PRDM5: variants seen among roughly 807,000 people sequenced by gnomAD.
PRDM5 encodes the protein PR/SET domain 5, also known as PR domain zinc finger protein 5.
Under a neutral mutation model 81.2 loss-of-function variants are expected in PRDM5, and 56 were observed. The ratio of observed to expected loss-of-function variants is 0.69; its 90% CI spans 0.56 to 0.86. PRDM5 has a LOEUF of 0.86. PRDM5 is among the 40% of genes least tolerant of loss of function. PRDM5 has a pLI of 0.00. For synonymous variants in PRDM5, 267 were observed against 256.4 expected (o/e 1.04, Z -0.39); for missense variants, 697 against 770.1 (o/e 0.91, Z 1.12).
chr4:120,763,407 C>T (rs1578640545), intron 13 of PRDM5, among the ~76,000 whole-genome samples: 1 of 152,164 alleles, frequency 6.6e-6, no homozygotes. Flanking sequence ...ATAAATTACC[C>T]TCATTACATG....
chr4:120,900,244 AG>A (rs1201652835), intron 2 of PRDM5, among the ~76,000 whole-genome samples: 1 of 152,134 alleles, frequency 6.6e-6, no homozygotes, highest in African/African-American at 2.4e-5. Context: ...AGGGGGACAC[AG>A]GGGGCTGAAA....
intron 8 of PRDM5, among the ~76,000 whole-genome samples, chr4:120,806,351 G>T (rs563128465): frequency 2.5e-4 from 38 of 152,138 alleles, no homozygotes; most frequent in African/African-American, 7.9e-4. Flanking sequence ...AAAACTACGT[G>T]AAAGTTCCTA....
chr4:120,742,767 T>G (rs1742266046), intron 14 of PRDM5, among the ~76,000 whole-genome samples: 2 of 151,792 alleles, frequency 1.3e-5, no homozygotes, highest in South Asian at 4.2e-4. Flanking sequence ...CTCCAAGAAA[T>G]ATGGGACTAT....
At chr4:120,786,641 G>T (rs12508015) in intron 10 of PRDM5, among the ~76,000 whole-genome samples, 30,298 of 152,114 alleles carry the variant, frequency 0.2, 3,676 homozygotes, top group Non-Finnish European at 0.28. Flanking sequence ...AAATGTACTA[G>T]AAGAAAATCC....
At chr4:120,691,868 G>A (rs926349602), downstream of PRDM5, 1 of 151,888 alleles carries the variant, frequency 6.6e-6, no homozygotes, top group Non-Finnish European at 1.5e-5. Context: ...TTTTACCATA[G>A]AATGGTACCA....
At chr4:120,763,440 C>A (rs764883725) in intron 13 of PRDM5, among the ~76,000 whole-genome samples, 1 of 152,090 alleles carries the variant, frequency 6.6e-6, no homozygotes, top group Non-Finnish European at 1.5e-5. Flanking sequence ...GGGAGCAAGA[C>A]GACAGACAAT....
At chr4:120,869,821 AAC>A (rs1761588244) in intron 2 of PRDM5, among the ~76,000 whole-genome samples, 1 of 152,202 alleles carries the variant, frequency 6.6e-6, no homozygotes, top group Admixed American at 6.5e-5. Context: ...ACCTCATGTC[AAC>A]ACACAGAGGT....
chr4:120,917,894 C>T (rs1244799835), intron 1 of PRDM5, among the ~76,000 whole-genome samples: 1 of 152,104 alleles, frequency 6.6e-6, no homozygotes, highest in Admixed American at 6.5e-5. Flanking sequence ...ATGGAATGAC[C>T]TGAGTTCAAA....
intron 3 of PRDM5, among the ~76,000 whole-genome samples, chr4:120,831,812 T>C (rs902382730): frequency 2.6e-5 from 4 of 152,120 alleles, no homozygotes; most frequent in Admixed American, 6.5e-5. Context: ...TAAATAAATA[T>C]AGATTTATAA....
rs76870121 is a variant in PRDM5 at position 120,793,250 on chromosome 4, G to A, written c.1188+5017C>T. ...ATCCTATTGTGAACTGCACACACAAGGGATCTAGGTTGCATGCTCCTTATG... is the reference window on the plus strand; with the variant it reads ...ATCCTATTGTGAACTGCACACACAAAGGATCTAGGTTGCATGCTCCTTATG... On this transcript the variant is annotated intron_variant, in intron 10 of 15. Transcript: ENST00000264808. 8.6e-3 allele frequency among the ~76,000 whole-genome samples: 1,302 copies of A among 152,180 alleles called. 21 individuals carry two copies. Among genetic ancestry groups the A allele is most frequent in the African/African-American group, 0.03 (1,234 of 41,504 alleles).
In PRDM5 at chr4:120,793,476, T is replaced by A. The variant is rs28813423; in HGVS notation, c.1188+4791A>T. On this transcript the variant is annotated intron_variant, in intron 10 of 15. Coordinates refer to ENST00000264808, the MANE Select transcript of PRDM5 (RefSeq NM_018699.4). ...ATGCACTTGAATCATCCCAAAACCA[T>A]CCCCTGCCCAACACTGGTCCATGGA... is the stretch of plus-strand genomic sequence containing the variant. 8.6e-3 allele frequency among the ~76,000 whole-genome samples: 1,301 copies of A among 152,154 alleles called. 23 individuals carry two copies. The highest frequency in any genetic ancestry group is 0.03 in the African/African-American group (1,245 of 41,506).
intron 3 of PRDM5, among the ~76,000 whole-genome samples, chr4:120,836,306 A>G (rs11734461): frequency 0.2 from 30,323 of 152,172 alleles, 3,683 homozygotes; most frequent in Non-Finnish European, 0.28. Context: ...GTTTATTATC[A>G]TCTTTCCTAA....
intron 14 of PRDM5, among the ~76,000 whole-genome samples, chr4:120,734,443 CACA>C (rs1266605180): frequency 2.6e-5 from 4 of 151,980 alleles, no homozygotes; most frequent in African/African-American, 9.7e-5. Flanking sequence ...CACACACACA[CACA>C]CCCTTACTCA....
chr4:120,804,058 C>G (rs1444787189), intron 8 of PRDM5, among the ~76,000 whole-genome samples: 2 of 152,142 alleles, frequency 1.3e-5, no homozygotes, highest in Non-Finnish European at 1.5e-5. Flanking sequence ...ATCCTAGTCT[C>G]TGATAAAACA....
At chr4:120,918,523 T>C (rs748374521) in intron 1 of PRDM5, among the ~76,000 whole-genome samples, 1 of 152,216 alleles carries the variant, frequency 6.6e-6, no homozygotes, top group Non-Finnish European at 1.5e-5. Flanking sequence ...TATTTACTTA[T>C]CTGTTTCAGC....
chr4:120,897,950 C>T (rs1253440825), intron 2 of PRDM5, among the ~76,000 whole-genome samples: 1 of 152,108 alleles, frequency 6.6e-6, no homozygotes, highest in African/African-American at 2.4e-5. Context: ...TTTCTATTGT[C>T]CAGCTTTTAT....
chr4:120,915,275 C>A (rs1050684565), intron 1 of PRDM5, among the ~76,000 whole-genome samples: 1 of 152,226 alleles, frequency 6.6e-6, no homozygotes, highest in South Asian at 2.1e-4. Context: ...TACCTGTGGC[C>A]AGTGCCCTAC....
In PRDM5 at chr4:120,879,600, A is replaced by G. The variant is rs971907587; in HGVS notation, c.178-26060T>C. ...TTCTTAGTGAAATTTCATTTTGTCT[A>G]TCTTACTTTATTGTAAGAATACTGT... On this transcript the variant is annotated intron_variant, in intron 2 of 15. Transcript: ENST00000264808. Among the ~76,000 whole-genome samples the G allele has an allele frequency of 3.9e-5, 6 of 152,202 alleles. No individual in the cohort carries two copies. The South Asian group carries it at 1.0e-3, about 26-fold the overall frequency.
At chr4:120,847,377 A>G (rs571165041) in intron 3 of PRDM5, among the ~76,000 whole-genome samples, 1 of 152,114 alleles carries the variant, frequency 6.6e-6, no homozygotes, top group South Asian at 2.1e-4. Flanking sequence ...CCTCTCTGGG[A>G]GAAGCAGGCT....
Sources: allele counts gnomAD v4.1 joint callset (sites outside exome capture counted in the v4.1 genomes callset), GRCh38; gene constraint gnomAD v4.1.1; transcripts MANE v1.5; gene names NCBI Gene and HGNC (gene_info 2026-07-23, HGNC 2026-07-21).